KDM4C: variants seen among roughly 807,000 people sequenced by gnomAD.
The protein encoded by KDM4C is lysine-specific demethylase 4C.
KDM4C carries 81 observed loss-of-function variants against 129.3 expected under a neutral mutation model. The ratio of observed to expected loss-of-function variants is 0.63; its 90% CI spans 0.52 to 0.75. The LOEUF is 0.75. Ranked by LOEUF, KDM4C falls within the 30% of genes least tolerant of loss-of-function variation. The pLI is 0.00. For missense variants in KDM4C, 1,457 were observed against 1,304.0 expected (o/e 1.12, Z -1.81); for synonymous variants, 573 against 456.1 (o/e 1.26, Z -3.26).
upstream of KDM4C, among the ~76,000 whole-genome samples, chr9:6,753,363 C>G (rs1239051982): frequency 6.6e-6 from 1 of 152,144 alleles, no homozygotes; most frequent in African/African-American, 2.4e-5. Flanking sequence ...TAAACACTGA[C>G]TTCTATCTTT....
chr9:7,152,551 G>A (rs1224075699), intron 19 of KDM4C, among the ~76,000 whole-genome samples: 1 of 152,206 alleles, frequency 6.6e-6, no homozygotes, highest in Non-Finnish European at 1.5e-5. Context: ...ATGAGAGAGA[G>A]AATGAGGAGT....
chr9:6,970,370 C>T (rs1242845069), intron 8 of KDM4C, among the ~76,000 whole-genome samples: 3 of 152,170 alleles, frequency 2.0e-5, no homozygotes, highest in African/African-American at 7.2e-5. Context: ...TGTAATTGTA[C>T]CTGTTGGGAC....
intron 18 of KDM4C, among the ~76,000 whole-genome samples, chr9:7,113,346 G>C (rs1180422550): frequency 6.6e-6 from 1 of 152,222 alleles, no homozygotes; most frequent in African/African-American, 2.4e-5. Flanking sequence ...TTAGAATATT[G>C]ACATTCAGAA....
chr9:7,159,628 A>G (rs1843562346), intron 19 of KDM4C, among the ~76,000 whole-genome samples: 1 of 152,162 alleles, frequency 6.6e-6, no homozygotes, highest in Admixed American at 6.5e-5. Context: ...TGGCTTGAAA[A>G]TTCTTTTCTT....
intron 1 of KDM4C, among the ~76,000 whole-genome samples, chr9:6,721,619 C>T (rs1194051013): frequency 3.3e-4 from 46 of 138,476 alleles, no homozygotes; most frequent in African/African-American, 7.3e-4. Flanking sequence ...GACGGAGTCT[C>T]GCTCTTTTGC....
At chr9:7,026,493 C>T (rs1376496590) in intron 15 of KDM4C, among the ~76,000 whole-genome samples, 3 of 151,342 alleles carry the variant, frequency 2.0e-5, no homozygotes, top group African/African-American at 7.3e-5. Context: ...TTTTTCTTTT[C>T]TCTTGCTGCT....
At chr9:6,724,832 G>A (rs971286605) in intron 1 of KDM4C, among the ~76,000 whole-genome samples, 2 of 152,058 alleles carry the variant, frequency 1.3e-5, no homozygotes, top group African/African-American at 4.8e-5. Flanking sequence ...TCCGGCCTCT[G>A]GGTGTATTAC....
At chr9:6,849,395 G>A in intron 4 of KDM4C, 112 bp from the exon 5 acceptor site, 1 of 807,712 alleles carries the variant, frequency 1.2e-6, no homozygotes, top group Non-Finnish European at 1.8e-6. Flanking sequence ...TTTTCAGTTA[G>A]TTAGAATATA....
chr9:6,845,341 TG>T (rs1178472523), intron 4 of KDM4C, among the ~76,000 whole-genome samples: 3 of 152,058 alleles, frequency 2.0e-5, no homozygotes, highest in Non-Finnish European at 4.4e-5. Context: ...CAGCCTTCCA[TG>T]TAGCAGGGAT....
chr9:6,805,211 T>C (rs1481685891), intron 2 of KDM4C, among the ~76,000 whole-genome samples: 2 of 152,210 alleles, frequency 1.3e-5, no homozygotes, highest in East Asian at 3.8e-4. Flanking sequence ...TTTCATCTAT[T>C]GAGAGGCAGG....
intron 12 of KDM4C, 60 bp from the exon 13 acceptor site, chr9:7,011,638 C>A: frequency 7.0e-7 from 1 of 1,432,552 alleles, no homozygotes; most frequent in Non-Finnish European, 9.8e-7. Flanking sequence ...CTTTTGTACT[C>A]AGGGTGATTG....
At chr9:6,841,495 C>A (rs1836901124) in intron 4 of KDM4C, among the ~76,000 whole-genome samples, 1 of 152,134 alleles carries the variant, frequency 6.6e-6, no homozygotes, top group Non-Finnish European at 1.5e-5. Context: ...ATGGAAAGTA[C>A]CATAAAAATA....
At chr9:6,880,188 T>C (rs1442812594) in intron 6 of KDM4C, 127 bp downstream of exon 6, 4 of 474,842 alleles carry the variant, frequency 8.4e-6, no homozygotes, top group South Asian at 5.1e-5. Flanking sequence ...ATTCAAGTTA[T>C]TGACTTTTAC....
chr9:7,017,744 A>G (rs371761627), intron 15 of KDM4C, among the ~76,000 whole-genome samples: 1 of 152,182 alleles, frequency 6.6e-6, no homozygotes, highest in Admixed American at 6.5e-5. Context: ...TTATTCCTCA[A>G]TGATCTCTAA....
intron 1 of KDM4C, among the ~76,000 whole-genome samples, chr9:6,777,008 A>C (rs1262392325): frequency 1.3e-5 from 2 of 152,090 alleles, no homozygotes; most frequent in African/African-American, 4.8e-5. Context: ...TTGACCCTTA[A>C]GTTTTTATTG....
At chr9:6,826,525 A>C (rs1386638584) in intron 4 of KDM4C, among the ~76,000 whole-genome samples, 1 of 152,144 alleles carries the variant, frequency 6.6e-6, no homozygotes, top group Non-Finnish European at 1.5e-5. Flanking sequence ...ACCCATTGTG[A>C]ATGCTTTCCC....
Position 7,046,905 on chromosome 9 carries a change from C to G in KDM4C, c.2303C>G (p.Thr768Arg), listed in dbSNP as rs776521442. The part of the protein sequence containing the change: ...CNLRGGALKQ[T>R]KNNKWAHVMC... ...TTGAGAGGAGGTGCTCTTAAGCAAA[C>G]GAAGAACAATAAGTAAGTAATACAT... Residue 768 changes from threonine (T) to arginine (R), a missense_variant, in exon 16 of 22, where the codon ACG (threonine) becomes AGG (arginine). Coordinates refer to ENST00000381309, the MANE Select transcript of KDM4C (RefSeq NM_015061.6). 3 of 1,596,678 alleles carry G rather than the reference C, an allele frequency of 1.9e-6. No homozygotes were observed. The highest frequency in any genetic ancestry group is 2.6e-6 in the Non-Finnish European group (3 of 1,164,916).
intron 19 of KDM4C, among the ~76,000 whole-genome samples, chr9:7,160,849 C>G (rs748899746): frequency 1.1e-4 from 17 of 152,190 alleles, no homozygotes; most frequent in Non-Finnish European, 2.2e-4. Context: ...CTGGGAGAAC[C>G]ACTGCTGTCT....
At chr9:6,851,606 G>A (rs1357479904) in intron 5 of KDM4C, among the ~76,000 whole-genome samples, 1 of 152,158 alleles carries the variant, frequency 6.6e-6, no homozygotes, top group African/African-American at 2.4e-5. Flanking sequence ...AAAGTTAGTA[G>A]CAAAACTTTT....
Sources: gnomAD v4.1 joint callset for allele counts (sites outside exome capture counted in the v4.1 genomes callset) on GRCh38, gnomAD v4.1.1 for gene constraint, MANE v1.5 for transcripts, NCBI Gene and HGNC (gene_info 2026-07-23, HGNC 2026-07-21) for gene names.